The following CPNE4 variants were observed in gnomAD, a reference collection of about 807,000 sequenced individuals.
CPNE4 encodes the protein copine 4.
A neutral mutation model predicts 67.9 loss-of-function variants in CPNE4; 25 were observed. That is an observed-to-expected ratio of 0.37 (90% CI 0.27 to 0.51). CPNE4 has a LOEUF of 0.51. CPNE4 is among the 20% of genes least tolerant of loss of function. The pLI is 0.93. For missense variants in CPNE4, 464 were observed against 690.8 expected (o/e 0.67, Z 3.68); for synonymous variants, 242 against 244.9 (o/e 0.99, Z 0.11).
intron 1 of CPNE4, among the ~76,000 whole-genome samples, chr3:131,986,527 CA>C (rs2073045864): frequency 6.6e-6 from 1 of 152,152 alleles, no homozygotes; most frequent in Admixed American, 6.5e-5. Context: ...CTGCTCTAGG[CA>C]AGATCTGCTT....
At chr3:131,661,260 T>C (rs999472360) in intron 7 of CPNE4, among the ~76,000 whole-genome samples, 7 of 152,178 alleles carry the variant, frequency 4.6e-5, no homozygotes, top group Non-Finnish European at 8.8e-5. Context: ...GCAGAAATTA[T>C]AGAGCAGGAG....
intron 1 of CPNE4, among the ~76,000 whole-genome samples, chr3:131,914,318 A>G (rs1451842747): frequency 2.0e-5 from 3 of 152,166 alleles, no homozygotes; most frequent in Admixed American, 1.3e-4. Context: ...AAAAAGTGAC[A>G]GGTGGGGATT....
At chr3:131,644,792 A>G (rs1280461167) in intron 7 of CPNE4, among the ~76,000 whole-genome samples, 2 of 152,224 alleles carry the variant, frequency 1.3e-5, no homozygotes, top group Admixed American at 6.5e-5. Context: ...TAGCAGGTAC[A>G]TAAGAGGAGC....
At chr3:131,799,928 TGTGTGTGTGTG>T (rs1560339781) in intron 2 of CPNE4, among the ~76,000 whole-genome samples, 2 of 38,482 alleles carry the variant, frequency 5.2e-5, no homozygotes, top group Non-Finnish European at 9.1e-5. Flanking sequence ...GTTGTGTGTG[TGTGTGTGTGTG>T]TGTGTGTGTG....
rs3035263 is a variant in CPNE4 at position 131,700,054 on chromosome 3, C to CTTTTTTTTT, written c.361-83_361-75dup. 4.8e-3 allele frequency: 1,210 copies of CTTTTTTTTT among 254,580 alleles called. 28 individuals are homozygous for CTTTTTTTTT. Among genetic ancestry groups the CTTTTTTTTT allele is most frequent in the African/African-American group, 0.024 (714 of 29,994 alleles). The allele number at this position is 254,580 out of a possible 1,614,324, so 15.8% of individuals were successfully genotyped here. A position where few individuals can be genotyped will look rare whatever the true frequency, so the allele number is the denominator to read the frequency against. ...TTAACTGTAGATCTATTTTTTAAAC[C>CTTTTTTTTT]TTTTTTTTTTTTTTTTTTTTTTTAC... On this transcript the variant is annotated intron_variant, in intron 3 of 15. Coordinates refer to ENST00000429747, the MANE Select transcript of CPNE4 (RefSeq NM_130808.3).
chr3:131,644,788 G>T (rs943493728), intron 7 of CPNE4, among the ~76,000 whole-genome samples: 10 of 152,182 alleles, frequency 6.6e-5, no homozygotes, highest in Non-Finnish European at 1.5e-4. Context: ...AAATTAGCAG[G>T]TACATAAGAG....
intron 2 of CPNE4, among the ~76,000 whole-genome samples, chr3:131,790,496 G>C (rs2083688170): frequency 6.6e-6 from 1 of 152,028 alleles, no homozygotes; most frequent in African/African-American, 2.4e-5. Flanking sequence ...GAGTCTAACT[G>C]AGAAATTTAA....
At chr3:132,010,361 G>A (rs13326423) in intron 1 of CPNE4, among the ~76,000 whole-genome samples, 13,308 of 152,206 alleles carry the variant, frequency 0.087, 709 homozygotes, top group Non-Finnish European at 0.12. Flanking sequence ...AACAAAATAT[G>A]GTTTTTAAGA....
rs56412825 is a variant in CPNE4, at chr3:131,547,455, C to CAAAAAAAAAAAAAAAAAAAAAAAAAAA, written c.1302+2465_1302+2491dup. 1.1e-4 allele frequency among the ~76,000 whole-genome samples: 4 copies of CAAAAAAAAAAAAAAAAAAAAAAAAAAA among 36,544 alleles called. 2 individuals carry two copies. Among genetic ancestry groups the CAAAAAAAAAAAAAAAAAAAAAAAAAAA allele is most frequent in the East Asian group, 1.6e-3 (2 of 1,236 alleles). 24.0% of individuals were successfully genotyped at this position (36,544 alleles called of 152,430 possible). A position where few individuals can be genotyped will look rare whatever the true frequency, so the allele number is the denominator to read the frequency against. ...TGGGTGATAGACCAAGACCCTGTCG[C>CAAAAAAAAAAAAAAAAAAAAAAAAAAA]AAAAAAAAAAAAAAAAAAAAAAAAA... On this transcript the variant is annotated intron_variant, in intron 14 of 15. Coordinates refer to ENST00000429747, the MANE Select transcript of CPNE4 (RefSeq NM_130808.3).
intron 1 of CPNE4, among the ~76,000 whole-genome samples, chr3:131,907,755 A>G (rs557206969): frequency 6.6e-6 from 1 of 152,146 alleles, no homozygotes; most frequent in South Asian, 2.1e-4. Context: ...TAAAATATTT[A>G]TTATGTGGCC....
chr3:131,903,544 T>C (rs1382433817), intron 2 of CPNE4, among the ~76,000 whole-genome samples: 1 of 152,116 alleles, frequency 6.6e-6, no homozygotes, highest in East Asian at 1.9e-4. Context: ...GATACCAGTG[T>C]CCAGCACAAT....
At chr3:131,799,073 T>C (rs1030540292) in intron 2 of CPNE4, among the ~76,000 whole-genome samples, 2 of 152,186 alleles carry the variant, frequency 1.3e-5, no homozygotes, top group African/African-American at 4.8e-5. Flanking sequence ...TTAAGTTGTA[T>C]TTACTCACTT....
intron 2 of CPNE4, among the ~76,000 whole-genome samples, chr3:131,776,097 TC>T (rs924444332): frequency 6.6e-6 from 1 of 152,134 alleles, no homozygotes; most frequent in Non-Finnish European, 1.5e-5. Context: ...CTTCTCTCCT[TC>T]CCGGCTTACC....
chr3:132,019,237 A>G (rs1237961749), intron 1 of CPNE4, among the ~76,000 whole-genome samples: 3 of 152,202 alleles, frequency 2.0e-5, no homozygotes, highest in Non-Finnish European at 4.4e-5. Context: ...TTGAAGTTTT[A>G]AATTATGTCC....
intron 2 of CPNE4, among the ~76,000 whole-genome samples, chr3:131,843,373 T>G (rs374648992): frequency 2.6e-5 from 4 of 152,284 alleles, no homozygotes; most frequent in African/African-American, 9.6e-5. Flanking sequence ...CCACACGTAT[T>G]ATAGGAGCTG....
At chr3:131,815,299 C>T (rs534787132) in intron 2 of CPNE4, among the ~76,000 whole-genome samples, 1 of 152,200 alleles carries the variant, frequency 6.6e-6, no homozygotes, top group South Asian at 2.1e-4. Flanking sequence ...TTCTCAAATA[C>T]TTTTTACTTG....
At chr3:131,770,754 G>A (rs745431566) in intron 2 of CPNE4, among the ~76,000 whole-genome samples, 1 of 152,196 alleles carries the variant, frequency 6.6e-6, no homozygotes, top group Non-Finnish European at 1.5e-5. Context: ...AGTTTATACT[G>A]TGGTTTTGCC....
intron 14 of CPNE4, among the ~76,000 whole-genome samples, chr3:131,543,586 T>A (rs1935645115): frequency 6.6e-6 from 1 of 152,186 alleles, no homozygotes; most frequent in Non-Finnish European, 1.5e-5. Flanking sequence ...TCATTAATAA[T>A]TTTTTTATAT....
intron 7 of CPNE4, among the ~76,000 whole-genome samples, chr3:131,624,536 A>G (rs551262412): frequency 1.3e-5 from 2 of 152,228 alleles, no homozygotes; most frequent in South Asian, 4.1e-4. Context: ...CAGAATAATG[A>G]ACCATAATAA....
Sources: allele counts gnomAD v4.1 joint callset (sites outside exome capture counted in the v4.1 genomes callset), GRCh38; gene constraint gnomAD v4.1.1; transcripts MANE v1.5; gene names NCBI Gene and HGNC (gene_info 2026-07-23, HGNC 2026-07-21).